FAM161B: variants seen among roughly 807,000 people sequenced by gnomAD.
The protein encoded by FAM161B is protein FAM161B.
A neutral mutation model predicts 61.5 loss-of-function variants in FAM161B; 46 were observed. The observed-to-expected ratio is 0.75, with a 90% CI of 0.59 to 0.96. The LOEUF (loss-of-function observed/expected upper bound fraction) is 0.96. Among genes scored for constraint, FAM161B ranks in the 40% least tolerant of loss-of-function variants. The pLI is 0.00. For synonymous variants in FAM161B, 284 were observed against 302.7 expected (o/e 0.94, Z 0.64); for missense variants, 774 against 800.7 (o/e 0.97, Z 0.40).
intron 5 of FAM161B, among the ~76,000 whole-genome samples, chr14:73,938,736 C>T (rs908404369): frequency 6.6e-6 from 1 of 152,046 alleles, no homozygotes; most frequent in Non-Finnish European, 1.5e-5. Context: ...CGTGCCACTG[C>T]ACTCCAGCCT....
intron 1 of FAM161B, 26 bp downstream of exon 1, chr14:73,949,947 G>C (rs1445959387): frequency 1.2e-6 from 2 of 1,611,224 alleles, no homozygotes; most frequent in Non-Finnish European, 1.7e-6. Context: ...TTCCTTTCCC[G>C]GGGGCAGTCT....
At chr14:73,934,897 A>G (rs1269535163) in intron 8 of FAM161B, among the ~76,000 whole-genome samples, 2 of 151,840 alleles carry the variant, frequency 1.3e-5, no homozygotes, top group Non-Finnish European at 2.9e-5. Context: ...AAATACAAAA[A>G]ATAGCTGGGC....
chr14:73,940,738 T>C (rs1435442029), intron 5 of FAM161B, among the ~76,000 whole-genome samples, 188 bp downstream of exon 5: 1 of 152,252 alleles, frequency 6.6e-6, no homozygotes, highest in Admixed American at 6.5e-5. Flanking sequence ...GAATATGTGC[T>C]GAATGATGGC....
rs1317967122 is a variant in FAM161B, at chr14:73,946,420, C to T, written c.240G>A (p.Trp80Ter). The change falls in exon 2 of 9, where the codon TGG (tryptophan) becomes TGA (stop). Residue 80 changes from tryptophan to a stop codon, truncating the protein, a stop_gained. Coordinates refer to ENST00000286544, the MANE Select transcript of FAM161B (RefSeq NM_152445.3). LOFTEE classifies it high-confidence loss of function. ...NLQELKQKGR[W>*]CLLESLFQSD... Reference sequence around the variant, plus strand: ...ACTGAAAGAGAGACTCCAACAGACACCATCTCCCTTTCTGCTTCAGTTCCT... The same window carrying T: ...ACTGAAAGAGAGACTCCAACAGACATCATCTCCCTTTCTGCTTCAGTTCCT... 1.8e-5 allele frequency: 29 copies of T among 1,614,052 alleles called. No homozygotes were observed. Among genetic ancestry groups the T allele is most frequent in the Non-Finnish European group, 2.2e-5 (26 of 1,180,032 alleles).
At chr14:73,930,770 T>TA (rs2055899990), downstream of FAM161B, among the ~76,000 whole-genome samples, 1 of 152,042 alleles carries the variant, frequency 6.6e-6, no homozygotes, top group African/African-American at 2.4e-5. Flanking sequence ...GCTTAATTTT[T>TA]AAAATTTTCT....
Position 73,940,984 on chromosome 14 carries a change from CAG to C in FAM161B, c.1340_1341del (p.Ser447CysfsTer24), listed in dbSNP as rs1197872875. The C allele has an allele frequency of 6.2e-7, 1 of 1,613,422 alleles. No homozygotes were observed. Among genetic ancestry groups the C allele is most frequent in the African/African-American group, 1.3e-5 (1 of 74,814 alleles). Reference sequence around the variant, plus strand: ...GTGATGTGCACAGGGAGAGTGTTGGCAGAGAGGGAAGCAAGGCCGCTCAGAGA... The same window carrying C: ...GTGATGTGCACAGGGAGAGTGTTGGCAGAGGGAAGCAAGGCCGCTCAGAGA... ...SRSLSGLASL[S>X]ANTLPVHITD... On this transcript the variant is annotated frameshift_variant, in exon 5 of 9. Transcript: ENST00000286544. LOFTEE classifies it high-confidence loss of function.
At chr14:73,937,501 C>A in intron 7 of FAM161B, 101 bp downstream of exon 7, 1 of 1,088,882 alleles carries the variant, frequency 9.2e-7, no homozygotes, top group South Asian at 1.5e-5. Flanking sequence ...ATTTCTGGGC[C>A]TCAAGGAAAA....
chr14:73,940,977 G>C lies in FAM161B; in HGVS notation c.1349C>G (p.Thr450Ser), dbSNP rs979280272. 1 of 1,613,958 alleles carries C rather than the reference G, an allele frequency of 6.2e-7. No homozygotes were observed. The highest frequency in any genetic ancestry group is 1.3e-5 in the African/African-American group (1 of 75,038). The change falls in exon 5 of 9, where the codon ACT becomes AGT. Residue 450 changes from threonine to serine, a missense_variant. By Grantham distance (58) the Thr-to-Ser change is moderately conservative. Transcript: ENST00000286544. Reference sequence around the variant, plus strand: ...GGCATCTGTGATGTGCACAGGGAGAGTGTTGGCAGAGAGGGAAGCAAGGCC... The same window carrying C: ...GGCATCTGTGATGTGCACAGGGAGACTGTTGGCAGAGAGGGAAGCAAGGCC... Reference protein sequence around the residue: ...LSGLASLSANTLPVHITDATR... With the variant: ...LSGLASLSANSLPVHITDATR...
intron 2 of FAM161B, among the ~76,000 whole-genome samples, chr14:73,945,820 C>T (rs750291176): frequency 5.9e-5 from 9 of 152,198 alleles, no homozygotes; most frequent in Non-Finnish European, 1.3e-4. Flanking sequence ...CAGCTCACTG[C>T]AACCACCACC....
Position 73,933,436 on chromosome 14 carries a change from T to TGTAA in FAM161B, c.*816_*819dup, listed in dbSNP as rs965007335. 6.6e-6 allele frequency: 1 copy of TGTAA among 152,240 alleles called. No individual in the cohort carries two copies. The highest frequency in any genetic ancestry group is 2.4e-5 in the African/African-American group (1 of 41,462). 9.4% of individuals were successfully genotyped at this position (152,240 alleles called of 1,614,324 possible). Reference sequence around the variant, plus strand: ...GGATAAGAAATCCTGTACTAGAAGTTGTAAGTTTTTCATCCCCCATGGGCT... The same window carrying TGTAA: ...GGATAAGAAATCCTGTACTAGAAGTTGTAAGTAAGTTTTTCATCCCCCATGGGCT... On this transcript the variant is annotated 3_prime_UTR_variant, in exon 9 of 9. Coordinates refer to ENST00000286544, the MANE Select transcript of FAM161B (RefSeq NM_152445.3).
intron 1 of FAM161B, 32 bp downstream of exon 1, chr14:73,949,941 T>C (rs199702211): frequency 6.2e-7 from 1 of 1,611,560 alleles, no homozygotes; most frequent in Non-Finnish European, 8.5e-7. Flanking sequence ...CCGGGATTCC[T>C]TTCCCGGGGG....
At position 73,932,318 on chromosome 14, in the gene FAM161B, G is replaced by C. The variant is rs1211026297; in HGVS notation, c.*1938C>G. The C allele has an allele frequency of 2.9e-6, 1 of 339,926 alleles. No individual in the cohort carries two copies. Among genetic ancestry groups the C allele is most frequent in the Non-Finnish European group, 5.7e-6 (1 of 175,006 alleles). 21.1% of individuals were successfully genotyped at this position (339,926 alleles called of 1,614,324 possible). A position where few individuals can be genotyped will look rare whatever the true frequency, so the allele number is the denominator to read the frequency against. ...GTTTTATACAAAATTTGTTTTCTTA[G>C]AGATTAAGAATTTAATCTTTCCCTT... On this transcript the variant is annotated 3_prime_UTR_variant, in exon 9 of 9. Transcript: ENST00000286544.
the FAM161B span, chr14:73,923,416 C>T: frequency 6.2e-7 from 1 of 1,613,690 alleles, no homozygotes; most frequent in Non-Finnish European, 8.5e-7. Context: ...GAAGGATCCC[C>T]ACGTTCCCTG....
At chr14:73,938,543 C>T (rs537891239) in intron 5 of FAM161B, among the ~76,000 whole-genome samples, 27 of 151,878 alleles carry the variant, frequency 1.8e-4, no homozygotes, top group South Asian at 1.2e-3. Context: ...GAGGCCGAGG[C>T]GGGCGGATCA....
At chr14:73,947,385 CAAAAAA>C (rs35497668) in intron 1 of FAM161B, among the ~76,000 whole-genome samples, 5 of 97,106 alleles carry the variant, frequency 5.1e-5, no homozygotes, top group Non-Finnish European at 7.7e-5. Context: ...TGCTCCGTCT[CAAAAAA>C]AAAAAAAAAA....
chr14:73,931,656 T>A, downstream of FAM161B: 1 of 953,960 alleles, frequency 1.0e-6, no homozygotes, highest in Non-Finnish European at 1.6e-6. Flanking sequence ...GGCACAAGAC[T>A]CTGCTTTTGC....
At chr14:73,945,885 G>A (rs1309958476) in intron 2 of FAM161B, among the ~76,000 whole-genome samples, 1 of 151,664 alleles carries the variant, frequency 6.6e-6, no homozygotes, top group Non-Finnish European at 1.5e-5. Context: ...GGGATTACGG[G>A]CACACGCCAC....
intron 5 of FAM161B, among the ~76,000 whole-genome samples, chr14:73,938,727 G>A (rs1016749632): frequency 1.9e-4 from 29 of 152,042 alleles, no homozygotes; most frequent in South Asian, 1.2e-3. Flanking sequence ...AGCCGAGATC[G>A]TGCCACTGCA....
intron 5 of FAM161B, among the ~76,000 whole-genome samples, chr14:73,939,996 A>C (rs2056004169): frequency 6.6e-6 from 1 of 152,210 alleles, no homozygotes. Flanking sequence ...TAGTAGGTCT[A>C]ACTGAAGTCT....
Sources: allele counts gnomAD v4.1 joint callset (sites outside exome capture counted in the v4.1 genomes callset), GRCh38; gene constraint gnomAD v4.1.1; transcripts MANE v1.5; gene names NCBI Gene and HGNC (gene_info 2026-07-23, HGNC 2026-07-21).